SMIM36: variants seen among roughly 807,000 people sequenced by gnomAD.
The protein encoded by SMIM36 is small integral membrane protein 36.
At chr17:55,452,059 C>A (rs1330918798) in intron 4 of SMIM36, among the ~76,000 whole-genome samples, 3 of 136,004 alleles carry the variant, frequency 2.2e-5, no homozygotes, top group Non-Finnish European at 3.0e-5. Flanking sequence ...ATGATTGGGC[C>A]ACTGTACTCC....
intron 1 of SMIM36, among the ~76,000 whole-genome samples, chr17:55,502,169 G>C (rs1160005179): frequency 1.3e-5 from 2 of 149,748 alleles, no homozygotes; most frequent in African/African-American, 2.5e-5. Context: ...CATTGCCCAG[G>C]CTTGCTTAGG....
upstream of SMIM36, among the ~76,000 whole-genome samples, chr17:55,515,494 G>A (rs116499811): frequency 0.017 from 2,516 of 152,266 alleles, 61 homozygotes; most frequent in Middle Eastern, 0.051. Context: ...GGTCTTGGCA[G>A]ATATAATTAG....
intron 1 of SMIM36, among the ~76,000 whole-genome samples, chr17:55,490,193 A>G (rs1909679098): frequency 6.6e-6 from 1 of 152,064 alleles, no homozygotes; most frequent in African/African-American, 2.4e-5. Flanking sequence ...ACACCTTTGA[A>G]GTTTACCAGT....
intron 4 of SMIM36, among the ~76,000 whole-genome samples, chr17:55,466,630 A>G (rs2143249763): frequency 6.6e-6 from 1 of 152,338 alleles, no homozygotes; most frequent in Non-Finnish European, 1.5e-5. Context: ...GCTCCTCTTC[A>G]TCGCACCCTG....
chr17:55,510,419 A>G (rs1345945292), intron 1 of SMIM36, among the ~76,000 whole-genome samples: 1 of 152,100 alleles, frequency 6.6e-6, no homozygotes, highest in Non-Finnish European at 1.5e-5. Flanking sequence ...AGCCTGGGCA[A>G]CATAGTGAAA....
the SMIM36 span, among the ~76,000 whole-genome samples, chr17:55,517,986 A>G: frequency 2.5e-3 from 384 of 152,344 alleles, 1 homozygote; most frequent in Middle Eastern, 6.8e-3. Flanking sequence ...GAACAGAGAG[A>G]TAAGAGGAAA....
At chr17:55,517,899 T>C in the SMIM36 span, among the ~76,000 whole-genome samples, 24 of 152,004 alleles carry the variant, frequency 1.6e-4, no homozygotes, top group Non-Finnish European at 8.8e-5. Flanking sequence ...AGAAGAGGAA[T>C]AAGGACAGAG....
chr17:55,469,992 C>CA (rs1267971988), intron 3 of SMIM36, among the ~76,000 whole-genome samples: 13 of 146,390 alleles, frequency 8.9e-5, no homozygotes, highest in Admixed American at 2.0e-4. Flanking sequence ...AAAAAAAAAA[C>CA]AAAAAAAAAC....
At chr17:55,511,558 C>T (rs890741420), upstream of SMIM36, 5 of 318,076 alleles carry the variant, frequency 1.6e-5, no homozygotes, top group Non-Finnish European at 1.7e-5. Flanking sequence ...AGCTGTCTGT[C>T]ATCAGTTCGC....
chr17:55,485,357 T>C (rs1183621789), intron 1 of SMIM36, among the ~76,000 whole-genome samples: 1 of 152,102 alleles, frequency 6.6e-6, no homozygotes, highest in Non-Finnish European at 1.5e-5. Context: ...GGTACGATCA[T>C]AGCTTACTGC....
intron 1 of SMIM36, among the ~76,000 whole-genome samples, chr17:55,498,588 T>TG (rs1245069869): frequency 1.3e-5 from 2 of 152,020 alleles, no homozygotes; most frequent in African/African-American, 4.8e-5. Flanking sequence ...TATCCATTTT[T>TG]TTTTTTTAGA....
chr17:55,519,851 T>TAA, the SMIM36 span, among the ~76,000 whole-genome samples: 1 of 152,170 alleles, frequency 6.6e-6, no homozygotes, highest in African/African-American at 2.4e-5. Flanking sequence ...AAGCAGCTGT[T>TAA]TAGGGTTGTA....
At chr17:55,498,769 C>G (rs145294650) in intron 1 of SMIM36, among the ~76,000 whole-genome samples, 2 of 151,668 alleles carry the variant, frequency 1.3e-5, no homozygotes, top group African/African-American at 2.4e-5. Flanking sequence ...GAGGCCGAGG[C>G]GGGTGGATCA....
At chr17:55,511,291 A>G (rs1252121244) in exon 1 of SMIM36, 2 of 398,576 alleles carry the variant, frequency 5.0e-6, no homozygotes, top group Non-Finnish European at 8.8e-6. Flanking sequence ...AACTAGGATG[A>G]TCAGGTTCAA....
chr17:55,528,109 A>G, the SMIM36 span: 4 of 152,188 alleles, frequency 2.6e-5, no homozygotes, highest in Non-Finnish European at 5.9e-5. Context: ...ATTAGAGCAC[A>G]TATTACCCAT....
At chr17:55,531,210 C>T in the SMIM36 span, among the ~76,000 whole-genome samples, 2 of 152,168 alleles carry the variant, frequency 1.3e-5, no homozygotes, top group Admixed American at 6.5e-5. Flanking sequence ...TTTCCCTTTT[C>T]TTCCGCTGAC....
the SMIM36 span, among the ~76,000 whole-genome samples, chr17:55,528,580 C>G: frequency 4.4e-3 from 608 of 137,972 alleles, 8 homozygotes; most frequent in African/African-American, 0.016. Flanking sequence ...GAGTTGGAGT[C>G]TCACTTTTGT....
intron 3 of SMIM36, among the ~76,000 whole-genome samples, chr17:55,476,577 T>TG (rs1183134859): frequency 6.7e-6 from 1 of 148,900 alleles, no homozygotes; most frequent in Non-Finnish European, 1.5e-5. Context: ...ATTTTTTTTT[T>TG]TTGTTTGTTT....
intron 2 of SMIM36, 107 bp downstream of exon 2, chr17:55,479,353 G>A (rs1349247378): frequency 1.3e-5 from 2 of 152,240 alleles, no homozygotes; most frequent in Non-Finnish European, 2.9e-5. Flanking sequence ...GGGAGGCTGA[G>A]GCAGGCAGAT....
Sources: gnomAD v4.1 joint callset for allele counts (sites outside exome capture counted in the v4.1 genomes callset) on GRCh38, gnomAD v4.1.1 for gene constraint, MANE v1.5 for transcripts, NCBI Gene and HGNC (gene_info 2026-07-23, HGNC 2026-07-21) for gene names.